PLEKHH2: variants seen among roughly 807,000 people sequenced by gnomAD.
PLEKHH2 encodes pleckstrin homology, MyTH4 and FERM domain containing H2.
Under a neutral mutation model 187.9 loss-of-function variants are expected in PLEKHH2, and 129 were observed. The ratio of observed to expected loss-of-function variants is 0.69; its 90% CI spans 0.59 to 0.79. PLEKHH2 has a LOEUF of 0.79. PLEKHH2 is among the 30% of genes least tolerant of loss of function. The probability of loss-of-function intolerance (pLI) is 0.00; values close to 1 mark genes in which losing one functional copy is unlikely to be tolerated. For missense variants in PLEKHH2, 2,076 were observed against 1,751.2 expected (o/e 1.19, Z -3.31); for synonymous variants, 686 against 605.6 (o/e 1.13, Z -1.95).
At chr2:43,654,512 C>T (rs1666646997) in intron 2 of PLEKHH2, among the ~76,000 whole-genome samples, 2 of 150,692 alleles carry the variant, frequency 1.3e-5, no homozygotes, top group African/African-American at 2.4e-5. Context: ...GATTTTTATA[C>T]ACTGAATTTC....
intron 2 of PLEKHH2, chr2:43,676,008 A>G (rs773527917): frequency 6.2e-7 from 1 of 1,613,982 alleles, no homozygotes; most frequent in Non-Finnish European, 8.5e-7. Context: ...ACAAATTATC[A>G]TTTTTAGTAT....
chr2:43,694,209 A>G (rs1668977852), intron 4 of PLEKHH2, among the ~76,000 whole-genome samples: 1 of 152,218 alleles, frequency 6.6e-6, no homozygotes, highest in Non-Finnish European at 1.5e-5. Flanking sequence ...AGAGAAAGAG[A>G]ATAGCGGTTG....
At chr2:43,737,763 T>G (rs2104586483) in intron 19 of PLEKHH2, among the ~76,000 whole-genome samples, 1 of 152,292 alleles carries the variant, frequency 6.6e-6, no homozygotes, top group Non-Finnish European at 1.5e-5. Flanking sequence ...TTTTATAAGC[T>G]AATCTTAGAA....
intron 2 of PLEKHH2, among the ~76,000 whole-genome samples, chr2:43,659,595 C>G (rs1338894840): frequency 6.9e-6 from 1 of 143,986 alleles, no homozygotes; most frequent in Non-Finnish European, 1.5e-5. Flanking sequence ...TTGAGACAGT[C>G]TCACTGCACT....
chr2:43,759,774 C>T (rs1283717209), intron 27 of PLEKHH2, among the ~76,000 whole-genome samples: 1 of 152,232 alleles, frequency 6.6e-6, no homozygotes, highest in Non-Finnish European at 1.5e-5. Context: ...TACTGTAGTG[C>T]TTTGCACGTA....
At chr2:43,764,950 ACTT>A (rs1486454381) in intron 29 of PLEKHH2, among the ~76,000 whole-genome samples, 1 of 152,244 alleles carries the variant, frequency 6.6e-6, no homozygotes, top group Admixed American at 6.5e-5. Flanking sequence ...AAAAGAAATT[ACTT>A]CTTCGGAATC....
At chr2:43,652,670 C>T (rs1666546685) in intron 2 of PLEKHH2, among the ~76,000 whole-genome samples, 2 of 152,168 alleles carry the variant, frequency 1.3e-5, no homozygotes, top group Admixed American at 1.3e-4. Flanking sequence ...TTAACAAACC[C>T]CACATATGTG....
In PLEKHH2 at chr2:43,728,579, T is replaced by TAAAAA. The variant is rs374113619; in HGVS notation, c.2722-1054_2722-1053insAAAAA. Among the ~76,000 whole-genome samples, 325 of 142,752 alleles carry TAAAAA rather than the reference T, an allele frequency of 2.3e-3. 1 individual carries two copies. The highest frequency in any genetic ancestry group is 4.2e-3 in the South Asian group (19 of 4,538). The allele number at this position is 142,752 out of a possible 152,430, so 93.7% of individuals were successfully genotyped here. A position where few individuals can be genotyped will look rare whatever the true frequency, so the allele number is the denominator to read the frequency against. On this transcript the variant is annotated intron_variant, in intron 17 of 29. Transcript: ENST00000282406. ...ACAATACTCTTTTTTTTTTTTTTTTTAAAACAGAGTTTCACTCTGTTGCCC... is the reference window on the plus strand; with the variant it reads ...ACAATACTCTTTTTTTTTTTTTTTTTAAAAAAAAACAGAGTTTCACTCTGTTGCCC...
At chr2:43,702,527 C>CTTTTTTTTTTTTT (rs1167078689) in intron 8 of PLEKHH2, among the ~76,000 whole-genome samples, 26 of 57,396 alleles carry the variant, frequency 4.5e-4, no homozygotes, top group Admixed American at 7.3e-4. Flanking sequence ...CATTCTACTA[C>CTTTTTTTTTTTTT]TTTTTTTTTT....
intron 15 of PLEKHH2, among the ~76,000 whole-genome samples, chr2:43,713,661 T>TTG (rs1362989467): frequency 2.4e-5 from 2 of 84,264 alleles, no homozygotes; most frequent in Non-Finnish European, 5.8e-5. Flanking sequence ...CTTAATTCTG[T>TTG]TTTTTTTTTT....
chr2:43,640,807 C>A (rs6710830), intron 1 of PLEKHH2, among the ~76,000 whole-genome samples: 1 of 151,384 alleles, frequency 6.6e-6, no homozygotes, highest in Non-Finnish European at 1.5e-5. Flanking sequence ...TTTTAAAGAT[C>A]GGGGTCTCCC....
At chr2:43,698,711 G>T (rs749763958) in intron 7 of PLEKHH2, among the ~76,000 whole-genome samples, 1 of 152,078 alleles carries the variant, frequency 6.6e-6, no homozygotes, top group African/African-American at 2.4e-5. Context: ...TCAGCCTCTA[G>T]TTCCTTAATT....
chr2:43,712,020 T>C lies in PLEKHH2; in HGVS notation c.2302-205T>C, dbSNP rs1213987470. On this transcript the variant is annotated intron_variant, in intron 14 of 29. Coordinates refer to ENST00000282406, the MANE Select transcript of PLEKHH2 (RefSeq NM_172069.4). Reference sequence around the variant, plus strand: ...GGTAAACTGGAGTAACAAAGTTATTTCCACAAAAATTTAATTGCTGTAATT... The same window carrying C: ...GGTAAACTGGAGTAACAAAGTTATTCCCACAAAAATTTAATTGCTGTAATT... 14 of 1,282,086 alleles carry C rather than the reference T, an allele frequency of 1.1e-5. No homozygotes were observed. In the African/African-American group the frequency reaches 2.0e-4, roughly 19 times the overall value. 79.4% of individuals were successfully genotyped at this position (1,282,086 alleles called of 1,614,324 possible).
chr2:43,710,856 C>A (rs184793665), intron 14 of PLEKHH2: 4 of 1,174,184 alleles, frequency 3.4e-6, no homozygotes, highest in Non-Finnish European at 4.2e-6. Context: ...AGCTGTCCAA[C>A]TGTGAAGCTA....
Position 43,753,692 on chromosome 2 carries a change from C to G in PLEKHH2, c.3727C>G (p.Gln1243Glu), listed in dbSNP as rs761721412. Residue 1243 changes from glutamine to glutamate, a missense_variant, in exon 25 of 30, where the codon CAA becomes GAA. Gln to Glu is a conservative substitution (Grantham distance 29). Coordinates refer to ENST00000282406, the MANE Select transcript of PLEKHH2 (RefSeq NM_172069.4). ...KLLLMYQTND[Q>E]IINGLFPLNK... ...GCTGTTAATGTATCAGACAAATGAT[C>G]AAATCATAAATGGACTTTTTCCTCT... 6.9e-6 allele frequency: 11 copies of G among 1,584,886 alleles called. No homozygotes were observed. In the East Asian group the frequency reaches 9.2e-5, roughly 13 times the overall value.
chr2:43,750,725 T>G (rs1671976815), intron 24 of PLEKHH2, among the ~76,000 whole-genome samples: 1 of 152,200 alleles, frequency 6.6e-6, no homozygotes, highest in African/African-American at 2.4e-5. Flanking sequence ...CCTAAGACTA[T>G]GAAAGGGAAT....
At chr2:43,759,728 A>G (rs1236346139) in intron 27 of PLEKHH2, among the ~76,000 whole-genome samples, 1 of 152,226 alleles carries the variant, frequency 6.6e-6, no homozygotes, top group East Asian at 1.9e-4. Flanking sequence ...CCTTGAAACT[A>G]TAAACTCACT....
rs779949274 is a variant in PLEKHH2 at position 43,667,664 on chromosome 2, G to A, written c.124-11199G>A. Among the ~76,000 whole-genome samples, 4 of 152,340 alleles carry A rather than the reference G, an allele frequency of 2.6e-5. No homozygotes were observed. The South Asian group carries it at 8.3e-4, about 32-fold the overall frequency. On this transcript the variant is annotated intron_variant, in intron 2 of 29. Transcript: ENST00000282406. Reference sequence around the variant, plus strand: ...CATGGATGGACCTTGAAGACATTGTGCTAAGTGAAAGAAGCTAGACACAGA... The same window carrying A: ...CATGGATGGACCTTGAAGACATTGTACTAAGTGAAAGAAGCTAGACACAGA...
Position 43,738,349 on chromosome 2 carries a change from G to C in PLEKHH2, c.2952G>C (p.Gln984His). Residue 984 changes from glutamine (Q) to histidine (H), a missense_variant, in exon 20 of 30, where the codon CAG (glutamine) becomes CAC (histidine). By Grantham distance (24) the Gln-to-His change is conservative. Transcript: ENST00000282406. ...TEAIKLFKTC[Q>H]LFINAAVDSP... Reference sequence around the variant, plus strand: ...TTTTTTGTTTAATTCAGACCTGCCAGCTTTTTATAAATGCTGCAGTTGACT... The same window carrying C: ...TTTTTTGTTTAATTCAGACCTGCCACCTTTTTATAAATGCTGCAGTTGACT... 6.2e-7 allele frequency: 1 copy of C among 1,608,302 alleles called. No individual in the cohort carries two copies. The highest frequency in any genetic ancestry group is 8.5e-7 in the Non-Finnish European group (1 of 1,176,182).
Sources: gnomAD v4.1 joint callset for allele counts (sites outside exome capture counted in the v4.1 genomes callset) on GRCh38, gnomAD v4.1.1 for gene constraint, MANE v1.5 for transcripts, NCBI Gene and HGNC (gene_info 2026-07-23, HGNC 2026-07-21) for gene names.